Variants in DDX41 observed in about 807,000 individuals in gnomAD.
The protein encoded by DDX41 is DEAD-box helicase 41, also known as probable ATP-dependent RNA helicase DDX41.
Under a neutral mutation model 78.8 loss-of-function variants are expected in DDX41, and 50 were observed. The observed-to-expected ratio is 0.63, with a 90% CI of 0.51 to 0.80. The LOEUF (loss-of-function observed/expected upper bound fraction) is 0.80, where lower values mean the gene tolerates loss of function less well. Ranked by LOEUF, DDX41 falls within the 30% of genes least tolerant of loss-of-function variation. The pLI is 0.00. For synonymous variants in DDX41, 381 were observed against 321.5 expected (o/e 1.19, Z -1.98); for missense variants, 633 against 849.2 (o/e 0.75, Z 3.16).
Position 177,513,097 on chromosome 5 carries a change from A to G in DDX41, c.1231-15T>C. 6.2e-7 allele frequency: 1 copy of G among 1,611,396 alleles called. No individual in the cohort carries two copies. The highest frequency in any genetic ancestry group is 8.5e-7 in the Non-Finnish European group (1 of 1,178,370). On this transcript the variant is annotated splice_polypyrimidine_tract_variant and intron_variant, in intron 11 of 16. Transcript: ENST00000330503. The surrounding 1 kb of genome is among the most constrained non-coding windows in gnomAD (Gnocchi z 4.6). ...TATTCTACCTCCTGCCACCACAAAG[A>G]TCAGGTCAGGTGATCTTGAGATTAG...
At position 177,512,081 on chromosome 5, in the gene DDX41, C is replaced by T; in HGVS notation, c.1732+15G>A. 4.3e-6 allele frequency: 7 copies of T among 1,612,054 alleles called. No homozygotes were observed. The highest frequency in any genetic ancestry group is 5.9e-6 in the Non-Finnish European group (7 of 1,179,722). On this transcript the variant is annotated intron_variant, in intron 16 of 16. Coordinates refer to ENST00000330503, the MANE Select transcript of DDX41 (RefSeq NM_016222.4). Reference sequence around the variant, plus strand: ...CCTGCCGGCTGGGGACTCGGGGATCCCGCTCTGCAGTCACCTCCAATGTCC... The same window carrying T: ...CCTGCCGGCTGGGGACTCGGGGATCTCGCTCTGCAGTCACCTCCAATGTCC...
intron 13 of DDX41, 24 bp downstream of exon 13, chr5:177,512,756 A>C: frequency 6.2e-7 from 1 of 1,613,830 alleles, no homozygotes; most frequent in African/African-American, 1.3e-5. Context: ...GCAGGGTCCA[A>C]GCCAGTGCTT....
rs781615975 is a variant in DDX41, at chr5:177,516,367, A to C, written c.219T>G (p.Asp73Glu). 31 of 1,614,018 alleles carry C rather than the reference A, an allele frequency of 1.9e-5. No individual in the cohort carries two copies. Among genetic ancestry groups the C allele is most frequent in the Non-Finnish European group, 2.6e-5 (31 of 1,180,008 alleles). Reference protein sequence around the residue: ...QQDSGSEPRGDEDDIPLGPQS... With the variant: ...QQDSGSEPRGEEDDIPLGPQS... ...GAGGGCCTAGCGGGATGTCGTCCTCATCTCCCCGGGGTTCACTACCGCTGT... is the reference window on the plus strand; with the variant it reads ...GAGGGCCTAGCGGGATGTCGTCCTCCTCTCCCCGGGGTTCACTACCGCTGT... The change falls in exon 3 of 17, where the codon GAT (aspartate) becomes GAG (glutamate). Residue 73 changes from aspartate to glutamate, a missense_variant. Coordinates refer to ENST00000330503, the MANE Select transcript of DDX41 (RefSeq NM_016222.4).
At chr5:177,516,557 C>G (rs1761243403) in intron 2 of DDX41, 110 bp from the exon 3 acceptor site, 1 of 1,459,974 alleles carries the variant, frequency 6.8e-7, no homozygotes, top group African/African-American at 1.4e-5. Flanking sequence ...CAAAGCTGCC[C>G]TACCCCTCAG....
chr5:177,513,285 G>A lies in DDX41; in HGVS notation c.1230+68C>T. 1 of 1,606,950 alleles carries A rather than the reference G, an allele frequency of 6.2e-7. No individual in the cohort carries two copies. Among genetic ancestry groups the A allele is most frequent in the Non-Finnish European group, 8.5e-7 (1 of 1,175,756 alleles). On this transcript the variant is annotated intron_variant, in intron 11 of 16. Coordinates refer to ENST00000330503, the MANE Select transcript of DDX41 (RefSeq NM_016222.4). The surrounding 1 kb of genome is among the most constrained non-coding windows in gnomAD (Gnocchi z 4.6). Reference sequence around the variant, plus strand: ...CAAGGTGGACCCCCGGCTCCAATCAGCTTCAGGGAGACTTGTCAGATCCAG... The same window carrying A: ...CAAGGTGGACCCCCGGCTCCAATCAACTTCAGGGAGACTTGTCAGATCCAG...
rs1286882899 is a variant in DDX41, at chr5:177,513,762, G to A, written c.1021C>T (p.Leu341=). ...KMVSLDICRY[L]ALDEADRMID... The stretch of plus-strand genomic sequence containing the variant: ...ATGCGGTCAGCCTCGTCCAGGGCCA[G>A]GTAGCGACAGATGTCTAGGCTGACC... Residue 341 remains leucine (L), a synonymous_variant, in exon 10 of 17, where the codon CTG becomes TTG. Coordinates refer to ENST00000330503, the MANE Select transcript of DDX41 (RefSeq NM_016222.4). This position sits in a 1 kb window ranked among gnomAD's most constrained non-coding sequence, Gnocchi z 4.6. The A allele has an allele frequency of 6.2e-6, 10 of 1,613,766 alleles. No homozygotes were observed. The highest frequency in any genetic ancestry group is 8.5e-6 in the Non-Finnish European group (10 of 1,180,030).
intron 2 of DDX41, 87 bp from the exon 3 acceptor site, chr5:177,516,534 T>G: frequency 1.9e-6 from 3 of 1,547,052 alleles, no homozygotes; most frequent in Non-Finnish European, 2.7e-6. Flanking sequence ...GCGAGGATCC[T>G]GTGCCCGAGG....
At position 177,513,330 on chromosome 5, in the gene DDX41, G is replaced by A. The variant is rs751111319; in HGVS notation, c.1230+23C>T. On this transcript the variant is annotated intron_variant, in intron 11 of 16. Transcript: ENST00000330503. The surrounding 1 kb of genome is among the most constrained non-coding windows in gnomAD (Gnocchi z 4.6). Reference sequence around the variant, plus strand: ...ATCCAGCCCCCACAGGTGAGAGACCGCCCATCAGGAGCACCTGCCCACCTG... The same window carrying A: ...ATCCAGCCCCCACAGGTGAGAGACCACCCATCAGGAGCACCTGCCCACCTG... 12 of 1,613,862 alleles carry A rather than the reference G, an allele frequency of 7.4e-6. No homozygotes were observed. The highest frequency in any genetic ancestry group is 3.3e-4 in the Middle Eastern group (2 of 6,058).
At position 177,512,700 on chromosome 5, in the gene DDX41, G is replaced by C. The variant is rs781136473; in HGVS notation, c.1400-55C>G. 7.4e-6 allele frequency: 12 copies of C among 1,613,016 alleles called. No individual in the cohort carries two copies. In the East Asian group the frequency reaches 2.2e-4, roughly 30 times the overall value. ...GCCACCATGGGACAGGGGAGTGGCA[G>C]GCCAACCAGGCAGGGGAAGGCATTA... is the stretch of plus-strand genomic sequence containing the variant. On this transcript the variant is annotated intron_variant, in intron 13 of 16. Coordinates refer to ENST00000330503, the MANE Select transcript of DDX41 (RefSeq NM_016222.4).
In DDX41 at chr5:177,512,590, G is replaced by A. The variant is rs909574672; in HGVS notation, c.1455C>T (p.Val485=). 6.8e-6 allele frequency: 11 copies of A among 1,614,032 alleles called. No individual in the cohort carries two copies. In the African/African-American group the frequency reaches 1.3e-4, roughly 20 times the overall value. ...TGGAGGCAACGTCTGTGGCTACTAG[G>A]ACATCCTTCTTGCCCTCCCGGAATG... is the stretch of plus-strand genomic sequence containing the variant. ...IEAFREGKKD[V]LVATDVASKG... is the part of the protein sequence containing the mutation. The change falls in exon 14 of 17, where the codon GTC becomes GTT. Residue 485 remains valine, a synonymous_variant. Coordinates refer to ENST00000330503, the MANE Select transcript of DDX41 (RefSeq NM_016222.4).
Position 177,516,832 on chromosome 5 carries a change from C to T in DDX41, c.31G>A (p.Ala11Thr). The change falls in exon 2 of 17, where the codon GCT (alanine) becomes ACT (threonine). Residue 11 changes from alanine to threonine, a missense_variant. Around this residue, in one of 6 missense-constraint regions of DDX41, gnomAD observed 140 missense variants for 115.2 expected, o/e 1.22. Coordinates refer to ENST00000330503, the MANE Select transcript of DDX41 (RefSeq NM_016222.4). ...CCGGCAGGCACCTCGTCGGTGCGAG[C>T]CCGCTGCAAGCACACGCCAGTCAGG... Reference protein sequence around the residue: MEESEPERKRARTDEVPAGGS... With the variant: MEESEPERKRTRTDEVPAGGS... 1 of 1,612,798 alleles carries T rather than the reference C, an allele frequency of 6.2e-7. No homozygotes were observed. The highest frequency in any genetic ancestry group is 8.5e-7 in the Non-Finnish European group (1 of 1,179,892).
rs1761113708 is a variant in DDX41 at position 177,514,162 on chromosome 5, T to C, written c.936-315A>G. 7 of 556,888 alleles carry C rather than the reference T, an allele frequency of 1.3e-5. No homozygotes were observed. Among genetic ancestry groups the C allele is most frequent in the Admixed American group, 1.1e-4 (5 of 45,314 alleles). The allele number at this position is 556,888 out of a possible 1,614,324, so 34.5% of individuals were successfully genotyped here. A position where few individuals can be genotyped will look rare whatever the true frequency, so the allele number is the denominator to read the frequency against. On this transcript the variant is annotated intron_variant, in intron 9 of 16. Transcript: ENST00000330503. This position sits in a 1 kb window ranked among gnomAD's most constrained non-coding sequence, Gnocchi z 4.2. Reference sequence around the variant, plus strand: ...TTCCTGGCCCACTGGCTTCACCTTTTCTGTGCTCACCATCTCCCTAATACT... The same window carrying C: ...TTCCTGGCCCACTGGCTTCACCTTTCCTGTGCTCACCATCTCCCTAATACT...
In DDX41 at chr5:177,513,584, G is replaced by A. The variant is rs1761082901; in HGVS notation, c.1099-100C>T. The A allele has an allele frequency of 6.2e-6, 10 of 1,603,928 alleles. No individual in the cohort carries two copies. The highest frequency in any genetic ancestry group is 8.5e-6 in the Non-Finnish European group (10 of 1,172,542). ...AACTGAGACACAGCCCACAAAGTAT[G>A]AGCAGTGGGTTGGGGTGGCCAGGGG... On this transcript the variant is annotated intron_variant, in intron 10 of 16. Coordinates refer to ENST00000330503, the MANE Select transcript of DDX41 (RefSeq NM_016222.4). The surrounding 1 kb of genome is among the most constrained non-coding windows in gnomAD (Gnocchi z 4.6).
In DDX41 at chr5:177,513,495, G is replaced by A. The variant is rs759066983; in HGVS notation, c.1099-11C>T. On this transcript the variant is annotated splice_polypyrimidine_tract_variant and intron_variant, in intron 10 of 16. Coordinates refer to ENST00000330503, the MANE Select transcript of DDX41 (RefSeq NM_016222.4). The surrounding 1 kb of genome is among the most constrained non-coding windows in gnomAD (Gnocchi z 4.6). ...GGTCTGTCGCTGGCCCTGAGGAAGA[G>A]GGGGGCTGCGACCAAGGGCACACAG... 2 of 1,614,092 alleles carry A rather than the reference G, an allele frequency of 1.2e-6. No individual in the cohort carries two copies. Among genetic ancestry groups the A allele is most frequent in the Non-Finnish European group, 1.7e-6 (2 of 1,180,042 alleles).
rs150361286 is a variant in DDX41 at position 177,513,996 on chromosome 5, G to A, written c.936-149C>T. On this transcript the variant is annotated intron_variant, in intron 9 of 16. Coordinates refer to ENST00000330503, the MANE Select transcript of DDX41 (RefSeq NM_016222.4). The surrounding 1 kb of genome is among the most constrained non-coding windows in gnomAD (Gnocchi z 4.6). ...TCATCATTCCCACCACCTGCCCTAT[G>A]TATAGCACACAGCTCTTTCCCAAGG... 4 of 840,198 alleles carry A rather than the reference G, an allele frequency of 4.8e-6. No individual in the cohort carries two copies. In the African/African-American group the frequency reaches 5.0e-5, roughly 11 times the overall value. The allele number at this position is 840,198 out of a possible 1,614,324, so 52.0% of individuals were successfully genotyped here. A position where few individuals can be genotyped will look rare whatever the true frequency, so the allele number is the denominator to read the frequency against.
chr5:177,513,860 G>C lies in DDX41; in HGVS notation c.936-13C>G. 1 of 1,613,032 alleles carries C rather than the reference G, an allele frequency of 6.2e-7. No individual in the cohort carries two copies. Among genetic ancestry groups the C allele is most frequent in the South Asian group, 1.1e-5 (1 of 91,066 alleles). On this transcript the variant is annotated splice_polypyrimidine_tract_variant and intron_variant, in intron 9 of 16. Transcript: ENST00000330503. This position sits in a 1 kb window ranked among gnomAD's most constrained non-coding sequence, Gnocchi z 4.6. ...CATGTGTACACCGCTGGGGACCAAG[G>C]AGAGACCCTGAGGTTGGGGCCACTG...
rs901158764 is a variant in DDX41, at chr5:177,514,834, C to G, written c.802G>C (p.Glu268Gln). ...PYGLIICPSR[E>Q]LARQTHGILE... The stretch of plus-strand genomic sequence containing the variant: ...ATGCCATGGGTCTGCCGGGCCAGCT[C>G]CCGCTGCAGGCAGAGGGACAAAGGC... The change falls in exon 9 of 17, where the codon GAG (glutamate) becomes CAG (glutamine). Residue 268 changes from glutamate (E) to glutamine (Q), a missense_variant. Coordinates refer to ENST00000330503, the MANE Select transcript of DDX41 (RefSeq NM_016222.4). This position sits in a 1 kb window ranked among gnomAD's most constrained non-coding sequence, Gnocchi z 4.2. The G allele has an allele frequency of 6.2e-7, 1 of 1,611,328 alleles. No individual in the cohort carries two copies. Among genetic ancestry groups the G allele is most frequent in the Non-Finnish European group, 8.5e-7 (1 of 1,178,644 alleles).
chr5:177,516,192 C>T lies in DDX41; in HGVS notation c.300G>A (p.Ala100=). ...GCTTCTCCTTGGCAGACTCTTTGCG[C>T]GCTGAGAAAAGAAGTGGAAGATGTC... ...QHQHLKEKAE[A]RKESAKEKQL... Residue 100 remains alanine, a splice_region_variant and synonymous_variant, in exon 4 of 17, where the codon GCG becomes GCA. Transcript: ENST00000330503. 11 of 1,614,104 alleles carry T rather than the reference C, an allele frequency of 6.8e-6. No individual in the cohort carries two copies. Among genetic ancestry groups the T allele is most frequent in the Non-Finnish European group, 9.3e-6 (11 of 1,180,032 alleles).
chr5:177,515,197 G>A lies in DDX41; in HGVS notation c.633C>T (p.Gly211=), dbSNP rs541153895. 100 of 1,614,030 alleles carry A rather than the reference G, an allele frequency of 6.2e-5. No homozygotes were observed. Among genetic ancestry groups the A allele is most frequent in the Admixed American group, 2.3e-4 (14 of 60,026 alleles). ...IHHPTPIQIQ[G]IPTILSGRDM... The stretch of plus-strand genomic sequence containing the variant: ...CAGTCCACACTCACATGGTGGGGAT[G>A]CCCTGGATCTGAATGGGTGTTGGGT... The change falls in exon 7 of 17, where the codon GGC becomes GGT. Residue 211 remains glycine (G), a synonymous_variant. Transcript: ENST00000330503.
Sources: gnomAD v4.1 joint callset for allele counts on GRCh38, gnomAD v4.1.1 for gene constraint, gnomAD v4.1.1 regional missense constraint, Gnocchi (gnomAD v3.1) non-coding constraint, MANE v1.5 for transcripts, NCBI Gene and HGNC (gene_info 2026-07-23, HGNC 2026-07-21) for gene names.